Variants in CSMD1 observed in about 807,000 individuals in gnomAD.
CSMD1 encodes CUB and sushi domain-containing protein 1.
CSMD1 carries 213 observed loss-of-function variants against 417.5 expected under a neutral mutation model. That is an observed-to-expected ratio of 0.51 (90% CI 0.46 to 0.57). CSMD1 has a LOEUF of 0.57. Among genes scored for constraint, CSMD1 ranks in the 20% least tolerant of loss-of-function variants. CSMD1 has a pLI of 0.00. For missense variants in CSMD1, 6,923 were observed against 4,529.7 expected (o/e 1.53, Z -15.17); for synonymous variants, 2,862 against 1,736.8 (o/e 1.65, Z -16.11).
intron 1 of CSMD1, among the ~76,000 whole-genome samples, chr8:4,966,314 G>A (rs1288611872): frequency 6.6e-6 from 1 of 152,000 alleles, no homozygotes; most frequent in Non-Finnish European, 1.5e-5. Flanking sequence ...AGGAGACGAA[G>A]GTTGCAGTGA....
chr8:4,593,291 T>C (rs564641807), intron 2 of CSMD1, among the ~76,000 whole-genome samples: 2 of 152,326 alleles, frequency 1.3e-5, no homozygotes, highest in South Asian at 4.1e-4. Context: ...TTGTTCCCTC[T>C]CCTCTTTACG....
chr8:3,963,696 T>G (rs1277188748), intron 5 of CSMD1, among the ~76,000 whole-genome samples: 4 of 152,190 alleles, frequency 2.6e-5, no homozygotes, highest in African/African-American at 9.7e-5. Flanking sequence ...TATACATAGA[T>G]TTCATCGTAG....
At chr8:4,058,753 A>G (rs1310130620) in intron 3 of CSMD1, among the ~76,000 whole-genome samples, 1 of 143,130 alleles carries the variant, frequency 7.0e-6, no homozygotes, top group South Asian at 2.4e-4. Context: ...TATCCTAAAT[A>G]TATATGCACC....
chr8:3,793,756 C>G (rs1310131677), intron 5 of CSMD1, among the ~76,000 whole-genome samples: 3 of 152,136 alleles, frequency 2.0e-5, no homozygotes, highest in Admixed American at 6.5e-5. Context: ...CTCTCTGGAA[C>G]TGGTAGGAAC....
intron 3 of CSMD1, among the ~76,000 whole-genome samples, chr8:4,246,826 A>G (rs751668007): frequency 3.9e-5 from 6 of 152,212 alleles, no homozygotes; most frequent in Non-Finnish European, 7.3e-5. Context: ...ACTTGTAAAT[A>G]AATGTTCATA....
In CSMD1 at chr8:4,033,303, G is replaced by A. The variant is rs537423146; in HGVS notation, c.416-1204C>T. Among the ~76,000 whole-genome samples, 33 of 151,962 alleles carry A rather than the reference G, an allele frequency of 2.2e-4. No individual in the cohort carries two copies. The East Asian group carries it at 3.7e-3, about 17-fold the overall frequency. ...AAAATACAAAAAAAATTAGCCGGGC[G>A]TGGTGGCGGGCACCTGTAGTCCCAG... On this transcript the variant is annotated intron_variant, in intron 3 of 69. Transcript: ENST00000635120.
chr8:3,949,720 A>G (rs1278711025), intron 5 of CSMD1, among the ~76,000 whole-genome samples: 1 of 152,142 alleles, frequency 6.6e-6, no homozygotes, highest in Non-Finnish European at 1.5e-5. Flanking sequence ...GATTCATGGT[A>G]TGAGCAATGG....
intron 41 of CSMD1, among the ~76,000 whole-genome samples, chr8:3,133,575 G>C (rs1585432383): frequency 6.6e-6 from 1 of 152,198 alleles, no homozygotes; most frequent in South Asian, 2.1e-4. Context: ...GAATGAAGGG[G>C]TTCTGAGGAG....
chr8:3,634,164 C>T (rs181789644), intron 7 of CSMD1, among the ~76,000 whole-genome samples: 12 of 152,252 alleles, frequency 7.9e-5, no homozygotes, highest in African/African-American at 2.6e-4. Flanking sequence ...AATGTCCTAG[C>T]TTATGAGAGT....
chr8:3,052,797 TG>T (rs1563284053), intron 49 of CSMD1, 150 bp from the exon 50 acceptor site: 18 of 604,064 alleles, frequency 3.0e-5, no homozygotes, highest in Non-Finnish European at 4.1e-5. Flanking sequence ...TTTTTTTTTC[TG>T]GAGACAAGAG....
chr8:3,797,148 A>G (rs78895752), intron 5 of CSMD1, among the ~76,000 whole-genome samples: 2,379 of 152,076 alleles, frequency 0.016, 64 homozygotes, highest in African/African-American at 0.053. Flanking sequence ...AATACAGTCA[A>G]CATAATAATT....
chr8:4,157,239 A>T (rs1308307738), intron 3 of CSMD1, among the ~76,000 whole-genome samples: 1 of 152,196 alleles, frequency 6.6e-6, no homozygotes, highest in Admixed American at 6.5e-5. Context: ...ATAAGAACAC[A>T]ACAGGGCCCG....
chr8:4,282,274 T>G (rs1563384047), intron 3 of CSMD1, among the ~76,000 whole-genome samples: 1 of 152,168 alleles, frequency 6.6e-6, no homozygotes, highest in East Asian at 1.9e-4. Context: ...GAACCTGTCA[T>G]TTTACAGATA....
intron 1 of CSMD1, among the ~76,000 whole-genome samples, chr8:4,752,792 A>G (rs769935392): frequency 2.0e-5 from 3 of 152,124 alleles, no homozygotes; most frequent in Non-Finnish European, 4.4e-5. Context: ...AACAGGAGAG[A>G]AGGCATCAGT....
chr8:4,001,256 G>C (rs774591291), intron 4 of CSMD1, among the ~76,000 whole-genome samples: 1 of 152,128 alleles, frequency 6.6e-6, no homozygotes, highest in Non-Finnish European at 1.5e-5. Flanking sequence ...GACCAGAAGT[G>C]AATTTAAACC....
chr8:4,275,648 T>C (rs1796443073), intron 3 of CSMD1, among the ~76,000 whole-genome samples: 1 of 152,164 alleles, frequency 6.6e-6, no homozygotes, highest in African/African-American at 2.4e-5. Flanking sequence ...TTCCTAAAAA[T>C]GCAAATAATG....
At chr8:3,250,929 A>C in intron 26 of CSMD1, among the ~76,000 whole-genome samples, 1 of 152,186 alleles carries the variant, frequency 6.6e-6, no homozygotes, top group Middle Eastern at 3.4e-3. Flanking sequence ...TTTCTTGTAA[A>C]TTTGTTTGAG....
intron 5 of CSMD1, among the ~76,000 whole-genome samples, chr8:3,947,232 TAA>T (rs1439967888): frequency 1.3e-5 from 2 of 152,232 alleles, no homozygotes; most frequent in Admixed American, 6.5e-5. Context: ...AGCTGCATGA[TAA>T]ACAGATGCTG....
chr8:3,939,808 A>C (rs958958138), intron 5 of CSMD1, among the ~76,000 whole-genome samples: 13 of 152,142 alleles, frequency 8.5e-5, no homozygotes, highest in Admixed American at 3.9e-4. Context: ...GTGAGAGCTA[A>C]GTTATGAGGA....
Sources: allele counts gnomAD v4.1 joint callset (sites outside exome capture counted in the v4.1 genomes callset), GRCh38; gene constraint gnomAD v4.1.1; transcripts MANE v1.5; gene names NCBI Gene and HGNC (gene_info 2026-07-23, HGNC 2026-07-21).